Variants in SLC24A2 observed in about 807,000 individuals in gnomAD.
SLC24A2 encodes solute carrier family 24 member 2, also known as sodium/potassium/calcium exchanger 2.
In SLC24A2, 36 loss-of-function variants were observed where a neutral mutation model predicts 62.0. That is an observed-to-expected ratio of 0.58 (90% CI 0.44 to 0.77). The LOEUF (loss-of-function observed/expected upper bound fraction) is 0.77. Among genes scored for constraint, SLC24A2 ranks in the 30% least tolerant of loss-of-function variants. The pLI is 0.00. For missense variants in SLC24A2, 846 were observed against 817.9 expected (o/e 1.03, Z -0.42); for synonymous variants, 358 against 294.0 (o/e 1.22, Z -2.23).
chr9:19,811,347 C>T, the SLC24A2 span, among the ~76,000 whole-genome samples: 1 of 152,176 alleles, frequency 6.6e-6, no homozygotes, highest in African/African-American at 2.4e-5. Context: ...TGTTATAGCA[C>T]ACCAAACTAA....
Position 19,787,012 on chromosome 9 carries a change from C to A in SLC24A2, c.-146G>T. 1.4e-6 allele frequency: 2 copies of A among 1,402,406 alleles called. No homozygotes were observed. The highest frequency in any genetic ancestry group is 1.8e-6 in the Non-Finnish European group (2 of 1,081,626). The allele number at this position is 1,402,406 out of a possible 1,614,324, so 86.9% of individuals were successfully genotyped here. On this transcript the variant is annotated 5_prime_UTR_variant, in exon 2 of 11. An upstream start codon of the reference 5' UTR is lost. Coordinates refer to ENST00000341998, the MANE Select transcript of SLC24A2 (RefSeq NM_020344.4). ...GTTATGCTTCACAGGAAACTTTCAT[C>A]ATTTATGCTTAAATAAAAATAAAAA...
the SLC24A2 span, among the ~76,000 whole-genome samples, chr9:19,832,679 G>C: frequency 1.5e-3 from 230 of 152,278 alleles, 2 homozygotes; most frequent in South Asian, 5.0e-3. Flanking sequence ...TCATAGGCAT[G>C]GGCAAGGACT....
chr9:20,036,719 C>T, the SLC24A2 span, among the ~76,000 whole-genome samples: 4 of 152,264 alleles, frequency 2.6e-5, no homozygotes, highest in South Asian at 2.1e-4. Context: ...AGTCATCTTT[C>T]GGTATCCCTG....
At chr9:20,243,129 A>C in the SLC24A2 span, among the ~76,000 whole-genome samples, 1 of 152,104 alleles carries the variant, frequency 6.6e-6, no homozygotes, top group East Asian at 1.9e-4. Context: ...CCCACCCCCC[A>C]TATTGTGGGT....
intron 3 of SLC24A2, among the ~76,000 whole-genome samples, chr9:19,621,489 G>C (rs576981599): frequency 6.6e-6 from 1 of 152,140 alleles, no homozygotes; most frequent in African/African-American, 2.4e-5. Flanking sequence ...TTAATGCATT[G>C]TATTATTAGT....
chr9:19,955,996 T>C, the SLC24A2 span, among the ~76,000 whole-genome samples: 1 of 152,208 alleles, frequency 6.6e-6, no homozygotes, highest in East Asian at 1.9e-4. Context: ...GTGTAATGCA[T>C]AAAACAGAAG....
chr9:20,022,033 T>G, the SLC24A2 span, among the ~76,000 whole-genome samples: 1 of 152,218 alleles, frequency 6.6e-6, no homozygotes, highest in Non-Finnish European at 1.5e-5. Context: ...CTGATTTAAT[T>G]TACTCTATGT....
At chr9:19,784,767 A>C (rs2118941201) in intron 2 of SLC24A2, among the ~76,000 whole-genome samples, 1 of 152,314 alleles carries the variant, frequency 6.6e-6, no homozygotes, top group Non-Finnish European at 1.5e-5. Context: ...CTAACAAACA[A>C]GCATACGAGA....
At chr9:19,752,173 G>C (rs1207258869) in intron 2 of SLC24A2, among the ~76,000 whole-genome samples, 4 of 152,140 alleles carry the variant, frequency 2.6e-5, no homozygotes, top group Non-Finnish European at 5.9e-5. Context: ...GGAAACTAGA[G>C]AGAAGAGGTG....
chr9:20,084,430 C>G, the SLC24A2 span, among the ~76,000 whole-genome samples: 4 of 152,008 alleles, frequency 2.6e-5, no homozygotes, highest in Non-Finnish European at 5.9e-5. Flanking sequence ...GAATTCCCCT[C>G]CTTTCTTCCT....
chr9:20,228,947 G>C, the SLC24A2 span, among the ~76,000 whole-genome samples: 4 of 152,090 alleles, frequency 2.6e-5, no homozygotes, highest in Non-Finnish European at 5.9e-5. Flanking sequence ...CCACCAAGAA[G>C]GGTCAATCAT....
the SLC24A2 span, among the ~76,000 whole-genome samples, chr9:20,102,690 A>T: frequency 2.6e-5 from 4 of 152,180 alleles, no homozygotes; most frequent in African/African-American, 9.6e-5. Flanking sequence ...TCCAAAAAAA[A>T]AAAGAAAATA....
the SLC24A2 span, among the ~76,000 whole-genome samples, chr9:19,915,229 C>G: frequency 6.6e-6 from 1 of 152,068 alleles, no homozygotes; most frequent in African/African-American, 2.4e-5. Context: ...ATAATGTTTT[C>G]AAGTCTCATA....
chr9:20,201,800 T>G, the SLC24A2 span, among the ~76,000 whole-genome samples: 3 of 152,198 alleles, frequency 2.0e-5, no homozygotes, highest in Non-Finnish European at 4.4e-5. Flanking sequence ...CGAAATTTCA[T>G]TCCGTCTCCC....
At chr9:20,180,076 C>A in the SLC24A2 span, among the ~76,000 whole-genome samples, 2 of 152,138 alleles carry the variant, frequency 1.3e-5, no homozygotes, top group South Asian at 4.1e-4. Context: ...TCAACATACA[C>A]AAAATCTAGA....
At chr9:19,917,178 C>T in the SLC24A2 span, among the ~76,000 whole-genome samples, 1 of 151,244 alleles carries the variant, frequency 6.6e-6, no homozygotes, top group Non-Finnish European at 1.5e-5. Context: ...TCTCCCTCTA[C>T]TTTCAGGTTT....
chr9:19,532,550 G>A lies in SLC24A2; in HGVS notation c.1480-4412C>T, dbSNP rs189958663. ...ATTTTCAATCTGTGATTGTTTGAAT[G>A]CAGAGCCTGCAGATATGAAGAGCCA... On this transcript the variant is annotated intron_variant, in intron 8 of 10. Transcript: ENST00000341998. 2.4e-3 allele frequency among the ~76,000 whole-genome samples: 361 copies of A among 152,294 alleles called. 2 individuals carry two copies. The highest frequency in any genetic ancestry group is 0.016 in the South Asian group (79 of 4,828).
chr9:19,810,388 T>C, the SLC24A2 span, among the ~76,000 whole-genome samples: 5 of 152,206 alleles, frequency 3.3e-5, no homozygotes, highest in Non-Finnish European at 7.3e-5. Context: ...TAGAGACTAG[T>C]CTTTTTAAAA....
chr9:19,815,959 C>CTTTT, the SLC24A2 span, among the ~76,000 whole-genome samples: 73 of 103,434 alleles, frequency 7.1e-4, no homozygotes, highest in East Asian at 8.6e-4. Flanking sequence ...TTTTTTGCCC[C>CTTTT]TTTTTTTTTT....
Sources: allele counts gnomAD v4.1 joint callset (sites outside exome capture counted in the v4.1 genomes callset), GRCh38; gene constraint gnomAD v4.1.1; transcripts MANE v1.5; gene names NCBI Gene and HGNC (gene_info 2026-07-23, HGNC 2026-07-21).